Variants in OVCH1 observed in about 807,000 individuals in gnomAD.
OVCH1 encodes ovochymase-1.
A neutral mutation model predicts 138.4 loss-of-function variants in OVCH1; 139 were observed. The ratio of observed to expected loss-of-function variants is 1.00; its 90% CI spans 0.87 to 1.16. The LOEUF (loss-of-function observed/expected upper bound fraction) is 1.16, where lower values mean the gene tolerates loss of function less well. Ranked by LOEUF, OVCH1 falls within the 50% of genes most tolerant of loss-of-function variation. OVCH1 has a pLI of 0.00. For synonymous variants in OVCH1, 453 were observed against 467.8 expected, an observed-to-expected ratio of 0.97 and a Z score of 0.41; for missense variants, 1,367 against 1,357.9, an observed-to-expected ratio of 1.01 and a Z score of -0.11.
At position 29,422,316 on chromosome 12, in the gene OVCH1, C is replaced by T. The variant is rs370543755; in HGVS notation, c.*71+811G>A. Among the ~76,000 whole-genome samples, 5 of 152,222 alleles carry T rather than the reference C, an allele frequency of 3.3e-5. No homozygotes were observed. The East Asian group carries it at 5.8e-4, about 18-fold the overall frequency. On this transcript the variant is annotated intron_variant and NMD_transcript_variant, in intron 3 of 4. Coordinates refer to the OVCH1 transcript ENST00000539117. ...ACAGAAAGGTCAATTAGATGAGCAT[C>T]CCTTAAACTATTCAAAGTCTCACCT...
At chr12:29,406,181 A>G in the OVCH1 span, among the ~76,000 whole-genome samples, 7 of 145,308 alleles carry the variant, frequency 4.8e-5, no homozygotes, top group African/African-American at 1.7e-4. Flanking sequence ...CATAGAAATG[A>G]GACTTACAAA....
At position 29,487,903 on chromosome 12, in the gene OVCH1, A is replaced by G. The variant is rs774711937; in HGVS notation, c.703-21T>C. 6.3e-6 allele frequency: 10 copies of G among 1,585,824 alleles called. No individual in the cohort carries two copies. The South Asian group carries it at 9.2e-5, about 15-fold the overall frequency. On this transcript the variant is annotated intron_variant, in intron 6 of 27. Coordinates refer to ENST00000318184, the Ensembl canonical transcript of OVCH1. ...TCCCCCTTTCATGGTACAAAAAAAG[A>G]GAAAATTTGAAAATAGCCACAGTGT...
At position 29,492,948 on chromosome 12, in the gene OVCH1, C is replaced by T. The variant is rs541114013; in HGVS notation, c.455-1756G>A. On this transcript the variant is annotated intron_variant, in intron 4 of 27. Transcript: ENST00000318184. ...AACATATGAGCAATTCTGCTAAAAACTCTTACCCAGAAAGATGGGAATTGC... is the reference window on the plus strand; with the variant it reads ...AACATATGAGCAATTCTGCTAAAAATTCTTACCCAGAAAGATGGGAATTGC... Among the ~76,000 whole-genome samples the T allele has an allele frequency of 6.6e-5, 10 of 152,238 alleles. No individual in the cohort carries two copies. In the South Asian group the frequency reaches 2.1e-3, roughly 32 times the overall value.
chr12:29,438,797 C>T (rs1419415857), intron 26 of OVCH1, among the ~76,000 whole-genome samples: 1 of 151,920 alleles, frequency 6.6e-6, no homozygotes, highest in Non-Finnish European at 1.5e-5. Context: ...TATTTTTTCT[C>T]ATTTACAGTA....
rs76554233 is a variant in OVCH1, at chr12:29,492,309, G to A, written c.455-1117C>T. On this transcript the variant is annotated intron_variant, in intron 4 of 27. Coordinates refer to ENST00000318184, the Ensembl canonical transcript of OVCH1. The stretch of plus-strand genomic sequence containing the variant: ...ACAGTGGGAGGCCAGGATGACTGGA[G>A]CAGATTAAGTTAGTTTCATAAAAAA... 3.2e-4 allele frequency among the ~76,000 whole-genome samples: 45 copies of A among 138,552 alleles called. No homozygotes were observed. The East Asian group carries it at 9.9e-3, about 31-fold the overall frequency. The allele number at this position is 138,552 out of a possible 152,430, so 90.9% of individuals were successfully genotyped here.
downstream of OVCH1, among the ~76,000 whole-genome samples, chr12:29,425,589 C>G (rs1048382211): frequency 6.6e-6 from 1 of 152,152 alleles, no homozygotes; most frequent in Admixed American, 6.5e-5. Flanking sequence ...CCCACGTTTT[C>G]TACTTATTAG....
Position 29,443,405 on chromosome 12 carries a change from T to C in OVCH1, c.3113A>G (p.His1038Arg), listed in dbSNP as rs373027667. ...TCCAAATCCTTCGTAAACACGCAGA[T>C]GACCATGACAGACAAAAGTTGTTGG... The change falls in exon 25 of 28, where the codon CAT becomes CGT. Residue 1038 changes from histidine (H) to arginine (R), a missense_variant. Transcript: ENST00000318184. The C allele has an allele frequency of 3.5e-5, 57 of 1,612,002 alleles. No individual in the cohort carries two copies. Among genetic ancestry groups the C allele is most frequent in the Non-Finnish European group, 4.8e-5 (56 of 1,178,772 alleles).
chr12:29,483,883 C>T (rs1485482756), intron 8 of OVCH1, among the ~76,000 whole-genome samples: 1 of 152,202 alleles, frequency 6.6e-6, no homozygotes, highest in East Asian at 1.9e-4. Context: ...ACACTTCTAA[C>T]CACTCCACAC....
intron 5 of OVCH1, among the ~76,000 whole-genome samples, chr12:29,490,475 G>C (rs577937103): frequency 2.0e-5 from 3 of 152,260 alleles, no homozygotes; most frequent in African/African-American, 7.2e-5. Flanking sequence ...GGAGTACAAA[G>C]TGATGTTTTA....
intron 25 of OVCH1, among the ~76,000 whole-genome samples, chr12:29,439,614 G>A (rs1565571582): frequency 6.6e-6 from 1 of 152,020 alleles, no homozygotes; most frequent in Non-Finnish European, 1.5e-5. Flanking sequence ...CACAACAATT[G>A]GGTATCTTAC....
At chr12:29,449,339 G>C (rs202104225) in intron 22 of OVCH1, among the ~76,000 whole-genome samples, 1 of 144,488 alleles carries the variant, frequency 6.9e-6, no homozygotes, top group Non-Finnish European at 1.5e-5. Flanking sequence ...AAGTATATTC[G>C]CTTTCTCAAT....
chr12:29,455,107 T>C, intron 20 of OVCH1, 142 bp downstream of exon 20: 1 of 1,178,676 alleles, frequency 8.5e-7, no homozygotes, highest in Non-Finnish European at 1.2e-6. Flanking sequence ...TTGCAGAATC[T>C]TGCATTTTAG....
chr12:29,426,375 T>C (rs1941179789), downstream of OVCH1, among the ~76,000 whole-genome samples: 1 of 152,168 alleles, frequency 6.6e-6, no homozygotes, highest in African/African-American at 2.4e-5. Flanking sequence ...TTAGAACATG[T>C]TTGAAACTGA....
intron 4 of OVCH1, chr12:29,412,565 T>C (rs1940974483): frequency 6.6e-6 from 1 of 152,108 alleles, no homozygotes; most frequent in Admixed American, 6.5e-5. Flanking sequence ...ACAAACAGAG[T>C]ACACTTAGAT....
intron 4 of OVCH1, among the ~76,000 whole-genome samples, chr12:29,493,295 G>C (rs1943321461): frequency 6.6e-6 from 1 of 152,056 alleles, no homozygotes; most frequent in Admixed American, 6.5e-5. Context: ...TTCCGTTTTT[G>C]GTAATGTGTC....
At chr12:29,416,500 T>G (rs967741947) in intron 3 of OVCH1, among the ~76,000 whole-genome samples, 5 of 152,102 alleles carry the variant, frequency 3.3e-5, no homozygotes, top group Admixed American at 2.0e-4. Context: ...GCTAAAGATA[T>G]GAAGGGGCTT....
At chr12:29,433,718 C>A in intron 27 of OVCH1, 1 of 1,403,072 alleles carries the variant, frequency 7.1e-7, no homozygotes, top group East Asian at 2.7e-5. Flanking sequence ...AGATTTTTTT[C>A]TATTTTATGT....
the OVCH1 span, among the ~76,000 whole-genome samples, chr12:29,403,041 A>C: frequency 6.6e-6 from 1 of 152,202 alleles, no homozygotes; most frequent in South Asian, 2.1e-4. Flanking sequence ...AATATTTGGG[A>C]AACATACCAT....
intron 2 of OVCH1, 35 bp downstream of exon 2, chr12:29,496,521 T>G: frequency 6.7e-7 from 1 of 1,500,670 alleles, no homozygotes; most frequent in African/African-American, 1.4e-5. Flanking sequence ...TTCACTGTTT[T>G]CTCATTAAGA....
Sources: gnomAD v4.1 joint callset for allele counts (sites outside exome capture counted in the v4.1 genomes callset) on GRCh38, gnomAD v4.1.1 for gene constraint, MANE v1.5 for transcripts, NCBI Gene and HGNC (gene_info 2026-07-23, HGNC 2026-07-21) for gene names.